ZNF503: variants seen among roughly 807,000 people sequenced by gnomAD.
The protein encoded by ZNF503 is NocA-like zinc finger 2.
ZNF503 carries 15 observed loss-of-function variants against 34.4 expected under a neutral mutation model. That is an observed-to-expected ratio of 0.44 (90% confidence interval 0.29 to 0.67). ZNF503 has a LOEUF of 0.67. Among genes scored for constraint, ZNF503 ranks in the 30% least tolerant of loss-of-function variants. ZNF503 has a pLI of 0.13. For synonymous variants in ZNF503, 580 were observed against 456.8 expected (o/e 1.27, Z -3.44); for missense variants, 1,007 against 926.8 (o/e 1.09, Z -1.12).
downstream of ZNF503, among the ~76,000 whole-genome samples, chr10:75,394,540 C>T (rs971300291): frequency 6.6e-6 from 1 of 152,230 alleles, no homozygotes; most frequent in Non-Finnish European, 1.5e-5. Flanking sequence ...TAACCGATTG[C>T]GCTGCTGGAG....
chr10:75,311,085 G>T, the ZNF503 span, among the ~76,000 whole-genome samples: 1 of 152,172 alleles, frequency 6.6e-6, no homozygotes, highest in Non-Finnish European at 1.5e-5. Flanking sequence ...ACAATCAGAA[G>T]GTGAGATCCC....
At chr10:75,386,718 A>C in the ZNF503 span, among the ~76,000 whole-genome samples, 41 of 152,342 alleles carry the variant, frequency 2.7e-4, no homozygotes, top group East Asian at 7.9e-3. Flanking sequence ...TTGAAGAACA[A>C]GACATGATCT....
the ZNF503 span, among the ~76,000 whole-genome samples, chr10:75,343,856 G>A: frequency 6.6e-6 from 1 of 152,230 alleles, no homozygotes; most frequent in Non-Finnish European, 1.5e-5. Flanking sequence ...GCCCACCCCT[G>A]TTACATGATG....
At chr10:75,332,539 G>T in the ZNF503 span, among the ~76,000 whole-genome samples, 1 of 143,922 alleles carries the variant, frequency 6.9e-6, no homozygotes, top group Non-Finnish European at 1.5e-5. Context: ...ATTTGGCAGG[G>T]TCATGGGACA....
rs778820784 is a variant in ZNF503, at chr10:75,399,150, G to C, written c.1540C>G (p.His514Asp). Residue 514 changes from histidine to aspartate, a missense_variant, in exon 2 of 2, where the codon CAC (histidine) becomes GAC (aspartate). His to Asp is a moderately conservative substitution (Grantham distance 81). Coordinates refer to ENST00000372524, the MANE Select transcript of ZNF503 (RefSeq NM_032772.6). ...TTGGCCGACACCCAGTTGCAGATGTGGGGGAGTGGGTCGTTAGGGAGCATA... is the reference window on the plus strand; with the variant it reads ...TTGGCCGACACCCAGTTGCAGATGTCGGGGAGTGGGTCGTTAGGGAGCATA... ...GFMLPNDPLP[H>D]ICNWVSANGP... The C allele has an allele frequency of 1.9e-6, 3 of 1,613,302 alleles. No individual in the cohort carries two copies. The highest frequency in any genetic ancestry group is 8.5e-7 in the Non-Finnish European group (1 of 1,179,566).
chr10:75,296,574 G>A, the ZNF503 span: 1 of 152,192 alleles, frequency 6.6e-6, no homozygotes, highest in Non-Finnish European at 1.5e-5. Flanking sequence ...GAAATCTTGT[G>A]TTACTTCTTT....
At chr10:75,382,709 A>G in the ZNF503 span, 1 of 344,404 alleles carries the variant, frequency 2.9e-6, no homozygotes, top group Non-Finnish European at 5.7e-6. Flanking sequence ...TTTCTCTGGA[A>G]AGCTGTCAAA....
the ZNF503 span, among the ~76,000 whole-genome samples, chr10:75,380,073 G>A: frequency 6.6e-6 from 1 of 152,208 alleles, no homozygotes; most frequent in Non-Finnish European, 1.5e-5. Context: ...CTCACTCTAT[G>A]CCAAACCTGT....
chr10:75,319,265 A>G, the ZNF503 span, among the ~76,000 whole-genome samples: 1 of 152,210 alleles, frequency 6.6e-6, no homozygotes, highest in Non-Finnish European at 1.5e-5. Flanking sequence ...AATTTTCAAA[A>G]TAATGTTTGA....
At chr10:75,333,440 C>T in the ZNF503 span, among the ~76,000 whole-genome samples, 2 of 57,126 alleles carry the variant, frequency 3.5e-5, no homozygotes, top group African/African-American at 8.1e-5. Flanking sequence ...CCGGACGGGG[C>T]GGCTGGCCAG....
chr10:75,280,388 C>T, the ZNF503 span: 1 of 152,220 alleles, frequency 6.6e-6, no homozygotes, highest in South Asian at 2.1e-4. Flanking sequence ...GGCAATATTC[C>T]TCAGTCCATG....
At chr10:75,354,475 G>T in the ZNF503 span, among the ~76,000 whole-genome samples, 1 of 152,152 alleles carries the variant, frequency 6.6e-6, no homozygotes, top group Non-Finnish European at 1.5e-5. Context: ...CACTTTGGGA[G>T]GCTGAGGCAG....
At chr10:75,325,329 A>ATT in the ZNF503 span, among the ~76,000 whole-genome samples, 6 of 94,012 alleles carry the variant, frequency 6.4e-5, no homozygotes, top group East Asian at 1.0e-3. Flanking sequence ...ATATATATAT[A>ATT]TTTTTTTTTT....
the ZNF503 span, among the ~76,000 whole-genome samples, chr10:75,327,474 A>T: frequency 6.6e-6 from 1 of 152,188 alleles, no homozygotes. Flanking sequence ...TGTAGATGTA[A>T]CATATTTTCT....
At chr10:75,336,331 G>A in the ZNF503 span, among the ~76,000 whole-genome samples, 2 of 142,838 alleles carry the variant, frequency 1.4e-5, no homozygotes, top group South Asian at 2.2e-4. Flanking sequence ...AAACACATTA[G>A]AAACTCAATA....
the ZNF503 span, among the ~76,000 whole-genome samples, chr10:75,387,910 T>C: frequency 2.0e-5 from 3 of 152,168 alleles, no homozygotes; most frequent in African/African-American, 4.8e-5. Flanking sequence ...CTGCATCAGA[T>C]GGGCTGCCAG....
the ZNF503 span, among the ~76,000 whole-genome samples, chr10:75,356,622 A>T: frequency 2.6e-5 from 4 of 152,228 alleles, no homozygotes; most frequent in African/African-American, 9.6e-5. Flanking sequence ...AACATCATTC[A>T]TTCAGTCAGC....
the ZNF503 span, among the ~76,000 whole-genome samples, chr10:75,319,675 A>G: frequency 6.6e-6 from 1 of 152,242 alleles, no homozygotes; most frequent in East Asian, 1.9e-4. Context: ...TGGTCTAGAT[A>G]TAATTAAAAG....
chr10:75,401,449 G>A lies in ZNF503; in HGVS notation c.-30C>T. 6.6e-7 allele frequency: 1 copy of A among 1,520,748 alleles called. No individual in the cohort carries two copies. The highest frequency in any genetic ancestry group is 2.6e-5 in the East Asian group (1 of 38,992). The allele number at this position is 1,520,748 out of a possible 1,614,324, so 94.2% of individuals were successfully genotyped here. ...CACCCGCGCGCATGGGAGCAGCGGGGGGGAGGGCTCCGGGAGGCGCGGGGC... is the reference window on the plus strand; with the variant it reads ...CACCCGCGCGCATGGGAGCAGCGGGAGGGAGGGCTCCGGGAGGCGCGGGGC... On this transcript the variant is annotated 5_prime_UTR_variant, in exon 1 of 2. Coordinates refer to ENST00000372524, the MANE Select transcript of ZNF503 (RefSeq NM_032772.6).
Sources: allele counts gnomAD v4.1 joint callset (sites outside exome capture counted in the v4.1 genomes callset), GRCh38; gene constraint gnomAD v4.1.1; transcripts MANE v1.5; gene names NCBI Gene and HGNC (gene_info 2026-07-23, HGNC 2026-07-21).